The following FLRT1 variants were observed in gnomAD, a reference collection of about 807,000 sequenced individuals.
FLRT1 encodes the protein leucine-rich repeat transmembrane protein FLRT1.
FLRT1 carries 14 observed loss-of-function variants against 30.9 expected under a neutral mutation model. The ratio of observed to expected loss-of-function variants is 0.45; its 90% CI spans 0.30 to 0.71. The LOEUF (loss-of-function observed/expected upper bound fraction) is 0.71. Ranked by LOEUF, FLRT1 falls within the 30% of genes least tolerant of loss-of-function variation. The pLI, the probability that FLRT1 is intolerant of heterozygous loss-of-function variation, is 0.08. For synonymous variants in FLRT1, 368 were observed against 430.4 expected, an observed-to-expected ratio of 0.85 and a Z score of 1.80; for missense variants, 737 against 949.2, an observed-to-expected ratio of 0.78 and a Z score of 2.94.
chr11:64,118,730 C>A lies in FLRT1; in HGVS notation c.*438C>A, dbSNP rs2134628016. 5.9e-6 allele frequency: 1 copy of A among 170,266 alleles called. No individual in the cohort carries two copies. Among genetic ancestry groups the A allele is most frequent in the East Asian group, 1.8e-4 (1 of 5,438 alleles). 10.5% of individuals were successfully genotyped at this position (170,266 alleles called of 1,614,324 possible). A position where few individuals can be genotyped will look rare whatever the true frequency, so the allele number is the denominator to read the frequency against. The stretch of plus-strand genomic sequence containing the variant: ...GCTCTCAAAGCTCCCACGCAGCTCT[C>A]CCGCCACTGGCCACTCGCTGGCGAC... On this transcript the variant is annotated 3_prime_UTR_variant, in exon 3 of 3. Transcript: ENST00000682287.
chr11:64,110,398 C>T (rs542999925), intron 2 of FLRT1, among the ~76,000 whole-genome samples: 7 of 150,830 alleles, frequency 4.6e-5, no homozygotes, highest in South Asian at 2.1e-4. Context: ...TGCAGTGAGC[C>T]GTGATCGGGC....
At chr11:64,086,388 G>A (rs943187314) in intron 1 of FLRT1, among the ~76,000 whole-genome samples, 1 of 151,934 alleles carries the variant, frequency 6.6e-6, no homozygotes, top group Non-Finnish European at 1.5e-5. Flanking sequence ...GACTACCCCC[G>A]AGCTCAGAGG....
chr11:64,088,427 T>A (rs2134514010), intron 1 of FLRT1, among the ~76,000 whole-genome samples: 1 of 152,258 alleles, frequency 6.6e-6, no homozygotes, highest in Non-Finnish European at 1.5e-5. Flanking sequence ...GCATCCTCCC[T>A]GTGAGCCCTG....
intron 1 of FLRT1, among the ~76,000 whole-genome samples, chr11:64,078,548 G>A (rs1272991793): frequency 6.6e-6 from 1 of 152,222 alleles, no homozygotes. Flanking sequence ...CTGTCTGGGT[G>A]GGCAGTGGTG....
chr11:64,088,284 G>T (rs1358644768), intron 1 of FLRT1, among the ~76,000 whole-genome samples: 2 of 152,190 alleles, frequency 1.3e-5, no homozygotes, highest in African/African-American at 4.8e-5. Flanking sequence ...GCCAGGAGAT[G>T]GGGGGACCTT....
At chr11:64,097,888 C>G (rs1944605585) in intron 1 of FLRT1, among the ~76,000 whole-genome samples, 1 of 152,162 alleles carries the variant, frequency 6.6e-6, no homozygotes, top group South Asian at 2.1e-4. Flanking sequence ...GTCCATGGCT[C>G]TCTTGGTGGT....
Position 64,053,899 on chromosome 11 carries a change from C to T in FLRT1, c.-1038+17740C>T, listed in dbSNP as rs7114885. On this transcript the variant is annotated intron_variant, in intron 1 of 2. Transcript: ENST00000682287. ...GCAAGGCCGCATACCCGGTTGCTTC[C>T]GTCATCCCCCCCACCACCTCTGCTG... 6.7e-3 allele frequency among the ~76,000 whole-genome samples: 1,013 copies of T among 152,234 alleles called. 15 individuals are homozygous for T. The highest frequency in any genetic ancestry group is 0.022 in the African/African-American group (908 of 41,552).
chr11:64,047,894 T>A (rs1943614578), intron 1 of FLRT1, among the ~76,000 whole-genome samples: 2 of 120,914 alleles, frequency 1.7e-5, no homozygotes, highest in African/African-American at 3.4e-5. Flanking sequence ...TGAAACTCCG[T>A]CTCAAAAAAA....
At chr11:64,060,736 C>T (rs1275381893) in intron 1 of FLRT1, 1 of 152,212 alleles carries the variant, frequency 6.6e-6, no homozygotes, top group East Asian at 1.9e-4. Context: ...AGCTCTGTGC[C>T]GAGCCCACTG....
intron 1 of FLRT1, among the ~76,000 whole-genome samples, chr11:64,071,872 G>T (rs1393131286): frequency 1.3e-5 from 2 of 152,202 alleles, no homozygotes; most frequent in Non-Finnish European, 2.9e-5. Context: ...GGCAGTAGTG[G>T]CGAGAGCCCT....
At chr11:64,040,832 G>A (rs1014300371) in intron 1 of FLRT1, among the ~76,000 whole-genome samples, 5 of 152,070 alleles carry the variant, frequency 3.3e-5, no homozygotes, top group African/African-American at 1.2e-4. Context: ...CCCCGGACCC[G>A]GCTGTATGGG....
At position 64,064,694 on chromosome 11, in the gene FLRT1, G is replaced by A. The variant is rs1242930248; in HGVS notation, c.-1038+28535G>A. ...ACGGCACCGAGATAGAAGGAGGGGG[G>A]CCCTCCCTGAGTTCTCCTCTCCCCT... On this transcript the variant is annotated intron_variant, in intron 1 of 2. Coordinates refer to ENST00000682287, the MANE Select transcript of FLRT1 (RefSeq NM_013280.5). The surrounding 1 kb of genome is among the most constrained non-coding windows in gnomAD (Gnocchi z 4.5). 2.0e-5 allele frequency among the ~76,000 whole-genome samples: 3 copies of A among 149,032 alleles called. No individual in the cohort carries two copies. Among genetic ancestry groups the A allele is most frequent in the Non-Finnish European group, 4.5e-5 (3 of 66,760 alleles).
At chr11:64,065,131 G>A (rs1231315445) in intron 1 of FLRT1, among the ~76,000 whole-genome samples, 3 of 152,228 alleles carry the variant, frequency 2.0e-5, no homozygotes, top group Admixed American at 6.5e-5. Flanking sequence ...CGGGCTACAC[G>A]TGGGCCTGGA....
chr11:64,044,200 CATTT>C (rs765160731), intron 1 of FLRT1, among the ~76,000 whole-genome samples: 5 of 151,634 alleles, frequency 3.3e-5, no homozygotes, highest in Admixed American at 6.6e-5. Context: ...TAGTAGCTGA[CATTT>C]ATATCACACT....
chr11:64,077,822 A>G (rs1212642), intron 1 of FLRT1, among the ~76,000 whole-genome samples: 90,973 of 152,120 alleles, frequency 0.6, 27,579 homozygotes, highest in Admixed American at 0.64. Flanking sequence ...ACATTTGGGC[A>G]AGGAGTCTCC....
chr11:64,084,355 C>T (rs995661443), intron 1 of FLRT1, among the ~76,000 whole-genome samples: 1 of 152,170 alleles, frequency 6.6e-6, no homozygotes, highest in African/African-American at 2.4e-5. Context: ...GCCCCTGCCA[C>T]GTGCTCTGCC....
At chr11:64,063,535 C>T (rs747706457) in intron 1 of FLRT1, among the ~76,000 whole-genome samples, 4 of 152,194 alleles carry the variant, frequency 2.6e-5, no homozygotes, top group Admixed American at 1.3e-4. Flanking sequence ...CCCCAAAAGT[C>T]TCCGTTACTG....
chr11:64,071,911 A>T (rs1453154509), intron 1 of FLRT1, among the ~76,000 whole-genome samples: 1 of 152,124 alleles, frequency 6.6e-6, no homozygotes, highest in Non-Finnish European at 1.5e-5. Context: ...GCAACCCCTA[A>T]TCTGCCCAGT....
chr11:64,062,465 C>T (rs1222772503), intron 1 of FLRT1, among the ~76,000 whole-genome samples: 1 of 152,224 alleles, frequency 6.6e-6, no homozygotes, highest in South Asian at 2.1e-4. Context: ...TCACACAGGG[C>T]TGCAGGAAGC....
Sources: allele counts gnomAD v4.1 joint callset (sites outside exome capture counted in the v4.1 genomes callset), GRCh38; gene constraint gnomAD v4.1.1; non-coding constraint Gnocchi (gnomAD v3.1); transcripts MANE v1.5; gene names NCBI Gene and HGNC (gene_info 2026-07-23, HGNC 2026-07-21).